LHPP: variants seen among roughly 807,000 people sequenced by gnomAD.
The protein encoded by LHPP is hLHPP.
Under a neutral mutation model 30.3 loss-of-function variants are expected in LHPP, and 24 were observed. The observed-to-expected ratio is 0.79, with a 90% CI of 0.57 to 1.11. The LOEUF is 1.11. LHPP is among the 50% of genes most tolerant of loss of function. LHPP has a pLI of 0.00. For missense variants in LHPP, 356 were observed against 367.2 expected (o/e 0.97, Z 0.25); for synonymous variants, 150 against 157.1 (o/e 0.95, Z 0.34).
At chr10:124,493,084 G>GATA in intron 3 of LHPP, among the ~76,000 whole-genome samples, 1 of 148,952 alleles carries the variant, frequency 6.7e-6, no homozygotes, top group South Asian at 2.1e-4. Flanking sequence ...CCAGATCATG[G>GATA]ATAATAATAG....
At chr10:124,560,997 G>T (rs146911014) in intron 6 of LHPP, among the ~76,000 whole-genome samples, 4 of 152,290 alleles carry the variant, frequency 2.6e-5, no homozygotes, top group African/African-American at 9.6e-5. Context: ...AGGCTGAAAG[G>T]AAGAGAGGAG....
At chr10:124,564,331 C>G (rs894595902) in intron 6 of LHPP, among the ~76,000 whole-genome samples, 11 of 152,014 alleles carry the variant, frequency 7.2e-5, no homozygotes, top group Non-Finnish European at 1.3e-4. Flanking sequence ...CACCATGTTA[C>G]CCAAGATGGT....
intron 6 of LHPP, among the ~76,000 whole-genome samples, chr10:124,597,313 G>A (rs1020771686): frequency 6.6e-6 from 1 of 152,154 alleles, no homozygotes; most frequent in African/African-American, 2.4e-5. Context: ...TTTTCCCTCT[G>A]GGGAGCCCTG....
At chr10:124,604,903 G>A (rs576912281) in intron 6 of LHPP, among the ~76,000 whole-genome samples, 1 of 152,364 alleles carries the variant, frequency 6.6e-6, no homozygotes, top group Admixed American at 6.5e-5. Context: ...CCCTGCCCCT[G>A]CAGGGTAGAG....
At chr10:124,494,052 G>A (rs11245199) in intron 3 of LHPP, among the ~76,000 whole-genome samples, 15,138 of 152,138 alleles carry the variant, frequency 0.1, 783 homozygotes, top group East Asian at 0.12. Context: ...CTGGAAGTTC[G>A]TGTTCTCCTT....
intron 6 of LHPP, among the ~76,000 whole-genome samples, chr10:124,565,310 A>T (rs1948469636): frequency 6.6e-6 from 1 of 152,168 alleles, no homozygotes; most frequent in Admixed American, 6.5e-5. Flanking sequence ...TTGTTCTTGC[A>T]GAAGGAAGAG....
chr10:124,551,011 C>T (rs150482990), intron 6 of LHPP, among the ~76,000 whole-genome samples: 23 of 152,316 alleles, frequency 1.5e-4, no homozygotes, highest in African/African-American at 5.5e-4. Context: ...CCTGGGCCAG[C>T]TGTTCGGTCT....
chr10:124,537,804 AT>A (rs1955066917), intron 6 of LHPP, among the ~76,000 whole-genome samples: 1 of 152,216 alleles, frequency 6.6e-6, no homozygotes, highest in Non-Finnish European at 1.5e-5. Context: ...GGTGCGAGTA[AT>A]TTAGGCTGCA....
chr10:124,564,572 G>T (rs1948459833), intron 6 of LHPP, among the ~76,000 whole-genome samples: 1 of 152,128 alleles, frequency 6.6e-6, no homozygotes, highest in Non-Finnish European at 1.5e-5. Context: ...TCATTTAGCG[G>T]TCTGTCTGAA....
In LHPP at chr10:124,613,658, A is replaced by C. The variant is rs1049552224; in HGVS notation, c.*298A>C. 2.3e-5 allele frequency: 11 copies of C among 471,350 alleles called. No individual in the cohort carries two copies. Among genetic ancestry groups the C allele is most frequent in the Admixed American group, 6.9e-5 (2 of 29,126 alleles). The allele number at this position is 471,350 out of a possible 1,614,324, so 29.2% of individuals were successfully genotyped here. A position where few individuals can be genotyped will look rare whatever the true frequency, so the allele number is the denominator to read the frequency against. Reference sequence around the variant, plus strand: ...GTAGTGAAGTCCAGGAGGGTGGGACAGGCCTGTCAGGCCTCTGGGAATCTC... The same window carrying C: ...GTAGTGAAGTCCAGGAGGGTGGGACCGGCCTGTCAGGCCTCTGGGAATCTC... On this transcript the variant is annotated 3_prime_UTR_variant, in exon 7 of 7. Coordinates refer to ENST00000368842, the MANE Select transcript of LHPP (RefSeq NM_022126.4).
Position 124,517,373 on chromosome 10 carries a change from C to A in LHPP, c.716+102C>A. ...AATAAAGGGGATATTCTTTCCAAAT[C>A]AAAGAGCAGTATGTGGGCATTCACT... On this transcript the variant is annotated intron_variant, in intron 6 of 6. Transcript: ENST00000368842. This position sits in a 1 kb window ranked among gnomAD's most constrained non-coding sequence, Gnocchi z 4.1. 2 of 767,454 alleles carry A rather than the reference C, an allele frequency of 2.6e-6. No individual in the cohort carries two copies. The highest frequency in any genetic ancestry group is 4.0e-6 in the Non-Finnish European group (2 of 498,406). 47.5% of individuals were successfully genotyped at this position (767,454 alleles called of 1,614,324 possible). A position where few individuals can be genotyped will look rare whatever the true frequency, so the allele number is the denominator to read the frequency against.
intron 6 of LHPP, among the ~76,000 whole-genome samples, chr10:124,560,108 G>C (rs1948369921): frequency 6.6e-6 from 1 of 152,232 alleles, no homozygotes; most frequent in Non-Finnish European, 1.5e-5. Flanking sequence ...TCAGGTCCAG[G>C]TGAGACACTC....
chr10:124,550,134 G>T (rs1589855615), intron 6 of LHPP, among the ~76,000 whole-genome samples: 1 of 152,250 alleles, frequency 6.6e-6, no homozygotes, highest in African/African-American at 2.4e-5. Context: ...TCCTTTGCGT[G>T]CTGTGAACTG....
At chr10:124,569,099 C>G (rs950947089) in intron 6 of LHPP, among the ~76,000 whole-genome samples, 1 of 152,134 alleles carries the variant, frequency 6.6e-6, no homozygotes, top group African/African-American at 2.4e-5. Flanking sequence ...GGGTCTTGTC[C>G]CCCTCCACAT....
chr10:124,576,956 C>G lies in LHPP; in HGVS notation c.717-36308C>G, dbSNP rs1948671446. Among the ~76,000 whole-genome samples the G allele has an allele frequency of 6.6e-6, 1 of 152,196 alleles. No homozygotes were observed. The highest frequency in any genetic ancestry group is 6.5e-5 in the Admixed American group (1 of 15,286). On this transcript the variant is annotated intron_variant, in intron 6 of 6. Coordinates refer to ENST00000368842, the MANE Select transcript of LHPP (RefSeq NM_022126.4). The surrounding 1 kb of genome is among the most constrained non-coding windows in gnomAD (Gnocchi z 4.2). ...GAGTGCACAGGTACATTGCTCCGCC[C>G]TCTCAACAGCCACGACCCAGAAATA... is the stretch of plus-strand genomic sequence containing the variant.
At chr10:124,498,393 C>A in intron 5 of LHPP, 1 of 1,549,706 alleles carries the variant, frequency 6.5e-7, no homozygotes, top group Admixed American at 2.0e-5. Context: ...TGCTGCTTCT[C>A]TGAAAGGATA....
intron 3 of LHPP, among the ~76,000 whole-genome samples, chr10:124,490,976 C>T (rs1380309299): frequency 6.6e-6 from 1 of 150,638 alleles, no homozygotes; most frequent in Non-Finnish European, 1.5e-5. Context: ...TTCTGCACAG[C>T]CTAGAGTTCT....
intron 6 of LHPP, among the ~76,000 whole-genome samples, chr10:124,558,534 G>T (rs1948340483): frequency 6.6e-6 from 1 of 152,180 alleles, no homozygotes; most frequent in South Asian, 2.1e-4. Flanking sequence ...TTGTGTCGCT[G>T]GTTCAGAAGC....
intron 6 of LHPP, among the ~76,000 whole-genome samples, chr10:124,604,910 A>G (rs1949072390): frequency 6.6e-6 from 1 of 152,174 alleles, no homozygotes; most frequent in Non-Finnish European, 1.5e-5. Context: ...CCTGCAGGGT[A>G]GAGAGGAGGC....
Sources: allele counts gnomAD v4.1 joint callset (sites outside exome capture counted in the v4.1 genomes callset), GRCh38; gene constraint gnomAD v4.1.1; non-coding constraint Gnocchi (gnomAD v3.1); transcripts MANE v1.5; gene names NCBI Gene and HGNC (gene_info 2026-07-23, HGNC 2026-07-21).